Variants in TNR observed in about 807,000 individuals in gnomAD.
TNR encodes the protein tenascin-R.
A neutral mutation model predicts 150.4 loss-of-function variants in TNR; 45 were observed. The observed-to-expected ratio is 0.30, with a 90% CI of 0.24 to 0.38. The LOEUF is 0.38. Ranked by LOEUF, TNR falls within the 10% of genes least tolerant of loss-of-function variation. The pLI is 1.00. For synonymous variants in TNR, 687 were observed against 678.4 expected (o/e 1.01, Z -0.20); for missense variants, 1,544 against 1,759.1 (o/e 0.88, Z 2.19).
At chr1:175,486,613 A>G (rs1658027459) in intron 2 of TNR, among the ~76,000 whole-genome samples, 1 of 152,222 alleles carries the variant, frequency 6.6e-6, no homozygotes, top group African/African-American at 2.4e-5. Flanking sequence ...TAGTAGAATG[A>G]TTTATAATCC....
intron 1 of TNR, among the ~76,000 whole-genome samples, chr1:175,703,817 A>T (rs1666769506): frequency 6.6e-6 from 1 of 152,210 alleles, no homozygotes; most frequent in South Asian, 2.1e-4. Flanking sequence ...GTCAGATAAA[A>T]TGGCACAGCG....
intron 4 of TNR, among the ~76,000 whole-genome samples, chr1:175,402,274 T>TC (rs1653745182): frequency 9.0e-6 from 1 of 110,712 alleles, no homozygotes; most frequent in South Asian, 3.3e-4. Context: ...GCCACTGCAG[T>TC]CCGCAATCCG....
chr1:175,693,931 A>G (rs1241742355), intron 1 of TNR, among the ~76,000 whole-genome samples: 1 of 152,258 alleles, frequency 6.6e-6, no homozygotes, highest in Non-Finnish European at 1.5e-5. Flanking sequence ...CAAATTCTAT[A>G]AAGACTTAGC....
chr1:175,586,017 C>T (rs944625046), intron 1 of TNR, among the ~76,000 whole-genome samples: 2 of 152,274 alleles, frequency 1.3e-5, no homozygotes, highest in African/African-American at 4.8e-5. Flanking sequence ...AAGCTTTGAT[C>T]TAAAATAAGT....
chr1:175,346,998 TA>T (rs756704112), intron 18 of TNR, among the ~76,000 whole-genome samples: 1 of 151,724 alleles, frequency 6.6e-6, no homozygotes, highest in Non-Finnish European at 1.5e-5. Flanking sequence ...CAAAACCCAA[TA>T]AAGAGGTATA....
intron 1 of TNR, among the ~76,000 whole-genome samples, chr1:175,620,032 G>A (rs1293896819): frequency 4.6e-5 from 7 of 152,204 alleles, no homozygotes; most frequent in Non-Finnish European, 1.0e-4. Flanking sequence ...TAAATGGAAG[G>A]TAAAGTGCTG....
chr1:175,526,721 G>C (rs1315610220), intron 2 of TNR, among the ~76,000 whole-genome samples: 2 of 152,222 alleles, frequency 1.3e-5, no homozygotes, highest in East Asian at 3.8e-4. Flanking sequence ...ATGAAGGTGA[G>C]ATAGAAGCAG....
intron 9 of TNR, among the ~76,000 whole-genome samples, chr1:175,375,026 A>C (rs1196473165): frequency 2.6e-5 from 4 of 152,236 alleles, no homozygotes; most frequent in Admixed American, 6.5e-5. Flanking sequence ...TTGGACACAA[A>C]GGCCAGAGTA....
chr1:175,521,634 T>C (rs1199367630), intron 2 of TNR, among the ~76,000 whole-genome samples: 2 of 152,202 alleles, frequency 1.3e-5, no homozygotes, highest in Non-Finnish European at 2.9e-5. Flanking sequence ...TTCTCTTTCA[T>C]CTCCTCCTTT....
chr1:175,583,184 G>A (rs1662425848), intron 1 of TNR, among the ~76,000 whole-genome samples: 2 of 152,182 alleles, frequency 1.3e-5, no homozygotes, highest in Admixed American at 6.5e-5. Flanking sequence ...GCCTCCCTAA[G>A]GGTGTGGAAG....
chr1:175,648,272 A>G (rs767712751), intron 1 of TNR, among the ~76,000 whole-genome samples: 3 of 152,092 alleles, frequency 2.0e-5, no homozygotes, highest in Non-Finnish European at 4.4e-5. Flanking sequence ...TATCTATAGT[A>G]AGCACTTAAT....
At chr1:175,404,975 C>T (rs1653880314) in intron 3 of TNR, among the ~76,000 whole-genome samples, 2 of 152,230 alleles carry the variant, frequency 1.3e-5, no homozygotes, top group African/African-American at 4.8e-5. Flanking sequence ...CTTGCTGTGT[C>T]TCAGGGTGAA....
intron 1 of TNR, among the ~76,000 whole-genome samples, chr1:175,591,207 G>C (rs1304398912): frequency 6.6e-6 from 1 of 152,196 alleles, no homozygotes; most frequent in Non-Finnish European, 1.5e-5. Flanking sequence ...TGCAGACTGG[G>C]AGCTGGCTGA....
At chr1:175,715,712 C>T (rs1667139903) in intron 1 of TNR, among the ~76,000 whole-genome samples, 2 of 152,172 alleles carry the variant, frequency 1.3e-5, no homozygotes, top group Admixed American at 6.5e-5. Flanking sequence ...ATTGTTTTCC[C>T]CAGGAGAATA....
At chr1:175,393,428 C>T (rs1359172628) in intron 6 of TNR, among the ~76,000 whole-genome samples, 2 of 152,120 alleles carry the variant, frequency 1.3e-5, no homozygotes, top group African/African-American at 4.8e-5. Context: ...TTTCTTATGT[C>T]CTAAAGAGAA....
chr1:175,646,514 C>T (rs533581606), intron 1 of TNR, among the ~76,000 whole-genome samples: 5 of 152,324 alleles, frequency 3.3e-5, no homozygotes, highest in Admixed American at 3.3e-4. Flanking sequence ...TAAGACGTTG[C>T]TGTTAAAATA....
intron 9 of TNR, among the ~76,000 whole-genome samples, chr1:175,377,414 G>A (rs1652447294): frequency 6.6e-6 from 1 of 151,648 alleles, no homozygotes; most frequent in Non-Finnish European, 1.5e-5. Context: ...CTCTAGGCAG[G>A]GATGGGCTGC....
chr1:175,701,977 C>T (rs1306660151), intron 1 of TNR, among the ~76,000 whole-genome samples: 1 of 152,216 alleles, frequency 6.6e-6, no homozygotes. Flanking sequence ...TAGTGGAGTG[C>T]AAGGAGCTCT....
intron 2 of TNR, among the ~76,000 whole-genome samples, chr1:175,470,693 A>T (rs1420756197): frequency 3.3e-5 from 5 of 152,142 alleles, no homozygotes; most frequent in Non-Finnish European, 5.9e-5. Context: ...TACACAATTA[A>T]GTTGTTATTG....
Sources: gnomAD v4.1 joint callset for allele counts (sites outside exome capture counted in the v4.1 genomes callset) on GRCh38, gnomAD v4.1.1 for gene constraint, MANE v1.5 for transcripts, NCBI Gene and HGNC (gene_info 2026-07-23, HGNC 2026-07-21) for gene names.